MTCL1: variants seen among roughly 807,000 people sequenced by gnomAD.
MTCL1 encodes microtubule crosslinking factor 1, also known as microtubule cross-linking factor 1.
In MTCL1, 79 loss-of-function variants were observed where a neutral mutation model predicts 141.4. The observed-to-expected ratio is 0.56, with a 90% CI of 0.47 to 0.67. The LOEUF is 0.67. Among genes scored for constraint, MTCL1 ranks in the 30% least tolerant of loss-of-function variants. The pLI is 0.00. For synonymous variants in MTCL1, 914 were observed against 875.8 expected (o/e 1.04, Z -0.77); for missense variants, 2,177 against 2,113.9 (o/e 1.03, Z -0.59).
At chr18:8,738,839 T>G (rs538107791) in intron 4 of MTCL1, among the ~76,000 whole-genome samples, 1 of 152,274 alleles carries the variant, frequency 6.6e-6, no homozygotes, top group East Asian at 1.9e-4. Flanking sequence ...ATTAAAACCT[T>G]GGGCAGCCAG....
intron 4 of MTCL1, among the ~76,000 whole-genome samples, chr18:8,761,839 T>TA (rs1233844538): frequency 5.9e-5 from 9 of 152,204 alleles, no homozygotes; most frequent in African/African-American, 2.2e-4. Context: ...ATGATTCAAT[T>TA]ACCTCCCTCT....
chr18:8,818,127 C>A (rs566522775), intron 12 of MTCL1, among the ~76,000 whole-genome samples: 1 of 152,306 alleles, frequency 6.6e-6, no homozygotes, highest in East Asian at 1.9e-4. Context: ...TCCCACTAGA[C>A]GGCATGACTC....
At chr18:8,761,542 C>T (rs566589597) in intron 4 of MTCL1, among the ~76,000 whole-genome samples, 1 of 152,166 alleles carries the variant, frequency 6.6e-6, no homozygotes, top group African/African-American at 2.4e-5. Context: ...CTTTCTATCT[C>T]TATGAATTTG....
At chr18:8,825,503 T>G (rs780870618) in exon 15 of MTCL1, 2 of 1,611,756 alleles carry the variant, frequency 1.2e-6, no homozygotes, top group Admixed American at 3.3e-5. Context: ...GCTTGCAGAC[T>G]GAAGCCCTGC....
intron 4 of MTCL1, among the ~76,000 whole-genome samples, chr18:8,776,738 T>G (rs1010286023): frequency 9.3e-6 from 1 of 107,986 alleles, no homozygotes. Context: ...TATTTATTTA[T>G]TTATTTATTT....
At chr18:8,761,430 T>G (rs1235519675) in intron 4 of MTCL1, among the ~76,000 whole-genome samples, 5 of 152,212 alleles carry the variant, frequency 3.3e-5, no homozygotes, top group Non-Finnish European at 5.9e-5. Flanking sequence ...CCATCACCAT[T>G]ATCTATTTCA....
exon 13 of MTCL1, chr18:8,819,243 G>C: frequency 6.2e-7 from 1 of 1,614,152 alleles, no homozygotes; most frequent in Non-Finnish European, 8.5e-7. Context: ...AGGGAGTTCA[G>C]GAACCGCCTC....
chr18:8,792,978 T>A lies in MTCL1; in HGVS notation c.1888-20T>A. On this transcript the variant is annotated intron_variant, in intron 7 of 16. Transcript: ENST00000359865. The stretch of plus-strand genomic sequence containing the variant: ...GAGTTCTCATTTCCACTAAACCCCT[T>A]CCTTTATCCCACCGATCAGCTCAGG... The A allele has an allele frequency of 6.2e-7, 1 of 1,612,680 alleles. No individual in the cohort carries two copies. The highest frequency in any genetic ancestry group is 8.5e-7 in the Non-Finnish European group (1 of 1,179,470).
intron 1 of MTCL1, chr18:8,707,727 G>A (rs1306917680): frequency 6.6e-6 from 1 of 152,342 alleles, no homozygotes; most frequent in Non-Finnish European, 1.5e-5. Context: ...TCTTCAGTGG[G>A]TTATGTGATT....
chr18:8,757,153 G>C (rs1380895650), intron 4 of MTCL1, among the ~76,000 whole-genome samples: 2 of 152,316 alleles, frequency 1.3e-5, no homozygotes, highest in East Asian at 3.9e-4. Context: ...CTGAGAATGA[G>C]AAATTCTGGC....
At chr18:8,805,776 A>T (rs1208676658) in intron 10 of MTCL1, among the ~76,000 whole-genome samples, 5 of 152,166 alleles carry the variant, frequency 3.3e-5, no homozygotes, top group Non-Finnish European at 7.3e-5. Flanking sequence ...ACCAAAAAAG[A>T]ATGCCCTGAG....
intron 4 of MTCL1, among the ~76,000 whole-genome samples, chr18:8,726,956 C>A (rs1229811393): frequency 1.3e-5 from 2 of 152,156 alleles, no homozygotes; most frequent in African/African-American, 4.8e-5. Context: ...CCCGCCCATT[C>A]TCCCCGCTTA....
At chr18:8,788,556 A>ACCAAAAC (rs1308400533) in intron 7 of MTCL1, among the ~76,000 whole-genome samples, 1 of 152,218 alleles carries the variant, frequency 6.6e-6, no homozygotes, top group Non-Finnish European at 1.5e-5. Context: ...TTTTGGCCCG[A>ACCAAAAC]CCAAAACTGT....
exon 15 of MTCL1, chr18:8,826,135 C>T: frequency 6.2e-7 from 1 of 1,613,378 alleles, no homozygotes. Flanking sequence ...CTGGAACATG[C>T]CTTAAAGGAG....
At chr18:8,823,269 A>G (rs1335236380) in intron 14 of MTCL1, among the ~76,000 whole-genome samples, 1 of 152,092 alleles carries the variant, frequency 6.6e-6, no homozygotes, top group Non-Finnish European at 1.5e-5. Context: ...TGTCTTTATC[A>G]TCTCTGTTCC....
intron 4 of MTCL1, among the ~76,000 whole-genome samples, chr18:8,754,109 C>T (rs1029403543): frequency 1.8e-4 from 28 of 152,128 alleles, no homozygotes; most frequent in African/African-American, 6.5e-4. Context: ...CTTGTTCTTT[C>T]GCCCAGGCTG....
At chr18:8,826,258 C>G in intron 15 of MTCL1, 26 bp downstream of exon 14, 1 of 1,519,590 alleles carries the variant, frequency 6.6e-7, no homozygotes, top group African/African-American at 1.4e-5. Flanking sequence ...TGCCCCACAC[C>G]CTTCCCCACC....
chr18:8,810,775 A>C lies in MTCL1; in HGVS notation c.2605-2204A>C, dbSNP rs1273608914. ...ATTCTTTCTACTTAGAAAAAGTTTT[A>C]TTTTCCCCAGATTTACATTTTATAA... On this transcript the variant is annotated intron_variant, in intron 11 of 16. Transcript: ENST00000359865. The surrounding 1 kb of genome is among the most constrained non-coding windows in gnomAD (Gnocchi z 5.0). 6.6e-6 allele frequency among the ~76,000 whole-genome samples: 1 copy of C among 151,812 alleles called. No homozygotes were observed. The highest frequency in any genetic ancestry group is 1.5e-5 in the Non-Finnish European group (1 of 67,950).
intron 4 of MTCL1, among the ~76,000 whole-genome samples, chr18:8,745,256 A>G (rs2059455937): frequency 1.3e-5 from 2 of 152,228 alleles, no homozygotes; most frequent in Admixed American, 1.3e-4. Flanking sequence ...GCCAGATCCA[A>G]GTATGTCTGT....
Sources: gnomAD v4.1 joint callset for allele counts (sites outside exome capture counted in the v4.1 genomes callset) on GRCh38, gnomAD v4.1.1 for gene constraint, Gnocchi (gnomAD v3.1) non-coding constraint, MANE v1.5 for transcripts, NCBI Gene and HGNC (gene_info 2026-07-23, HGNC 2026-07-21) for gene names.